Variants in EPHB1 observed in about 807,000 individuals in gnomAD.
EPHB1 encodes the protein ephrin type-B receptor 1.
In EPHB1, 30 loss-of-function variants were observed where a neutral mutation model predicts 94.4. The observed-to-expected ratio is 0.32, with a 90% CI of 0.24 to 0.43. EPHB1 has a LOEUF of 0.43. Ranked by LOEUF, EPHB1 falls within the 20% of genes least tolerant of loss-of-function variation. EPHB1 has a pLI of 1.00. For missense variants in EPHB1, 1,055 were observed against 1,308.3 expected (o/e 0.81, Z 2.99); for synonymous variants, 522 against 489.1 (o/e 1.07, Z -0.89).
At chr3:135,257,470 C>G (rs998124110) in intron 15 of EPHB1, among the ~76,000 whole-genome samples, 2 of 151,912 alleles carry the variant, frequency 1.3e-5, no homozygotes, top group East Asian at 1.9e-4. Flanking sequence ...GTTGGAGTAC[C>G]CTGCCATGTG....
chr3:135,132,623 G>A (rs1940459581), intron 4 of EPHB1, 91 bp from the exon 5 acceptor site: 5 of 1,165,128 alleles, frequency 4.3e-6, no homozygotes, highest in Middle Eastern at 4.8e-4. Context: ...GCGCACTGAT[G>A]AGGTTGGGAA....
At chr3:135,225,834 G>A (rs530059689) in intron 12 of EPHB1, among the ~76,000 whole-genome samples, 1 of 151,844 alleles carries the variant, frequency 6.6e-6, no homozygotes, top group Admixed American at 6.6e-5. Flanking sequence ...TAAACCGTAG[G>A]CCCAAGCAGG....
intron 4 of EPHB1, among the ~76,000 whole-genome samples, chr3:135,107,996 A>G (rs762023768): frequency 5.3e-5 from 8 of 152,208 alleles, no homozygotes; most frequent in Non-Finnish European, 1.0e-4. Context: ...GTACTTCTTT[A>G]GAAATCACTT....
intron 3 of EPHB1, among the ~76,000 whole-genome samples, chr3:135,023,077 G>A (rs984128101): frequency 2.0e-5 from 3 of 152,072 alleles, no homozygotes; most frequent in Non-Finnish European, 4.4e-5. Context: ...GTCCTTCATT[G>A]GTTATCTGGT....
At chr3:135,209,843 A>C (rs1942991794) in intron 12 of EPHB1, among the ~76,000 whole-genome samples, 1 of 152,226 alleles carries the variant, frequency 6.6e-6, no homozygotes, top group Non-Finnish European at 1.5e-5. Context: ...GAGAGGCACT[A>C]GTAGAGACAG....
At chr3:134,866,994 A>G (rs1578151824) in intron 1 of EPHB1, among the ~76,000 whole-genome samples, 1 of 152,274 alleles carries the variant, frequency 6.6e-6, no homozygotes, top group Middle Eastern at 3.4e-3. Flanking sequence ...CATTGAACAC[A>G]TTGAGCAGCC....
chr3:134,844,672 T>C (rs1341315089), intron 1 of EPHB1, among the ~76,000 whole-genome samples: 6 of 152,118 alleles, frequency 3.9e-5, no homozygotes, highest in Non-Finnish European at 8.8e-5. Flanking sequence ...GGAGGGTGCT[T>C]TCCTAGGCAA....
chr3:135,166,182 C>T, intron 8 of EPHB1, 106 bp downstream of exon 8: 1 of 750,600 alleles, frequency 1.3e-6, no homozygotes, highest in South Asian at 1.6e-5. Context: ...TTCACGACCA[C>T]AATCATCACT....
chr3:135,248,554 G>A (rs1029394048), intron 14 of EPHB1, 45 bp downstream of exon 14: 1 of 1,507,628 alleles, frequency 6.6e-7, no homozygotes, highest in Non-Finnish European at 9.0e-7. Context: ...CTGGTTTCAT[G>A]GTCAGGGGCA....
At chr3:135,006,634 A>T (rs903053403) in intron 3 of EPHB1, among the ~76,000 whole-genome samples, 5 of 152,252 alleles carry the variant, frequency 3.3e-5, no homozygotes, top group Admixed American at 3.3e-4. Context: ...GTTCAAGTGC[A>T]GTCTGGGCAA....
chr3:134,882,759 T>C (rs780634027), intron 1 of EPHB1, among the ~76,000 whole-genome samples: 1 of 33,974 alleles, frequency 2.9e-5, no homozygotes, highest in Non-Finnish European at 7.0e-5. Flanking sequence ...CCTTTCTTCC[T>C]TCCTTCCTTT....
intron 6 of EPHB1, among the ~76,000 whole-genome samples, chr3:135,155,955 G>C (rs1324368601): frequency 6.6e-6 from 1 of 151,960 alleles, no homozygotes; most frequent in South Asian, 2.1e-4. Context: ...TTATTAACGA[G>C]GATGATGGTG....
chr3:135,100,495 T>A (rs564834542), intron 3 of EPHB1, among the ~76,000 whole-genome samples: 5 of 152,368 alleles, frequency 3.3e-5, no homozygotes, highest in African/African-American at 1.2e-4. Flanking sequence ...TATTCCCTCT[T>A]GCTTCTATTA....
intron 3 of EPHB1, among the ~76,000 whole-genome samples, chr3:135,002,280 TG>T (rs1935212544): frequency 1.3e-5 from 2 of 152,218 alleles, no homozygotes; most frequent in African/African-American, 2.4e-5. Context: ...GAACCAGCCT[TG>T]CATCCCAGGG....
At chr3:134,860,184 C>G (rs1295223762) in intron 1 of EPHB1, among the ~76,000 whole-genome samples, 1 of 151,650 alleles carries the variant, frequency 6.6e-6, no homozygotes, top group African/African-American at 2.4e-5. Context: ...CACACACACA[C>G]ACACACACAC....
chr3:134,888,333 C>A (rs1024910762), intron 1 of EPHB1, among the ~76,000 whole-genome samples: 1 of 152,200 alleles, frequency 6.6e-6, no homozygotes, highest in Non-Finnish European at 1.5e-5. Flanking sequence ...GAGGGGGATT[C>A]CTGTAGGGCA....
chr3:134,882,823 T>TTTTC (rs1233076280), intron 1 of EPHB1, among the ~76,000 whole-genome samples: 4 of 26,880 alleles, frequency 1.5e-4, no homozygotes, highest in East Asian at 3.2e-3. Context: ...TCTTTCTTTC[T>TTTTC]TTTCTTTCTT....
chr3:135,058,908 C>G (rs1305752268), intron 3 of EPHB1, among the ~76,000 whole-genome samples: 1 of 152,180 alleles, frequency 6.6e-6, no homozygotes, highest in African/African-American at 2.4e-5. Context: ...GAACCCTTTC[C>G]TAACCTTAAT....
intron 2 of EPHB1, among the ~76,000 whole-genome samples, chr3:134,939,967 C>A (rs2039081587): frequency 6.6e-6 from 1 of 152,226 alleles, no homozygotes; most frequent in South Asian, 2.1e-4. Context: ...AATTTTGTCT[C>A]CTTGTGGTCT....
Sources: allele counts gnomAD v4.1 joint callset (sites outside exome capture counted in the v4.1 genomes callset), GRCh38; gene constraint gnomAD v4.1.1; transcripts MANE v1.5; gene names NCBI Gene and HGNC (gene_info 2026-07-23, HGNC 2026-07-21).